FGGY: variants seen among roughly 807,000 people sequenced by gnomAD.
FGGY encodes the protein FGGY carbohydrate kinase domain-containing protein.
FGGY carries 72 observed loss-of-function variants against 71.3 expected under a neutral mutation model. That is an observed-to-expected ratio of 1.01 (90% CI 0.84 to 1.23). The LOEUF (loss-of-function observed/expected upper bound fraction) is 1.23, where lower values mean the gene tolerates loss of function less well. Ranked by LOEUF, FGGY falls within the 50% of genes most tolerant of loss-of-function variation. The pLI is 0.00. For missense variants in FGGY, 668 were observed against 682.3 expected (o/e 0.98, Z 0.23); for synonymous variants, 251 against 250.3 (o/e 1.00, Z -0.02).
intron 8 of FGGY, among the ~76,000 whole-genome samples, chr1:59,587,502 T>A (rs2096325451): frequency 6.6e-6 from 1 of 152,004 alleles, no homozygotes; most frequent in Non-Finnish European, 1.5e-5. Flanking sequence ...CTCAAGTGGG[T>A]CCCTGACCCC....
intron 4 of FGGY, among the ~76,000 whole-genome samples, chr1:59,353,457 A>G (rs759686326): frequency 6.6e-6 from 1 of 152,156 alleles, no homozygotes; most frequent in Non-Finnish European, 1.5e-5. Flanking sequence ...TCTAGAGACA[A>G]TCATAGAAAA....
intron 15 of FGGY, 38 bp downstream of exon 15, chr1:59,758,030 G>C: frequency 7.2e-7 from 1 of 1,394,970 alleles, no homozygotes; most frequent in Non-Finnish European, 1.0e-6. Context: ...TGCTAAGGAA[G>C]TGAGCACATA....
chr1:59,739,824 A>G (rs1450599336), intron 14 of FGGY, among the ~76,000 whole-genome samples: 1 of 152,206 alleles, frequency 6.6e-6, no homozygotes, highest in Non-Finnish European at 1.5e-5. Flanking sequence ...TCAAAGCCAT[A>G]CAACCATAAG....
At chr1:59,514,998 A>G (rs549856332) in intron 7 of FGGY, among the ~76,000 whole-genome samples, 1 of 152,300 alleles carries the variant, frequency 6.6e-6, no homozygotes, top group South Asian at 2.1e-4. Context: ...GAGGGAAGAG[A>G]CTTGCCTTGT....
intron 7 of FGGY, among the ~76,000 whole-genome samples, chr1:59,513,592 A>G (rs752396787): frequency 5.3e-5 from 8 of 152,196 alleles, no homozygotes; most frequent in Non-Finnish European, 1.0e-4. Flanking sequence ...ACACTATTTG[A>G]AGAAATGATC....
chr1:59,389,079 C>G (rs1172559402), intron 5 of FGGY, among the ~76,000 whole-genome samples: 1 of 152,104 alleles, frequency 6.6e-6, no homozygotes, highest in East Asian at 1.9e-4. Context: ...TACTGAGTAG[C>G]TGGGACTACA....
chr1:59,444,809 C>T (rs1260972744), intron 5 of FGGY, among the ~76,000 whole-genome samples: 1 of 152,174 alleles, frequency 6.6e-6, no homozygotes, highest in Non-Finnish European at 1.5e-5. Context: ...TCGCAACCCC[C>T]ACCCATGGAA....
At chr1:59,360,023 C>T (rs945962832) in intron 4 of FGGY, among the ~76,000 whole-genome samples, 1 of 152,018 alleles carries the variant, frequency 6.6e-6, no homozygotes, top group Non-Finnish European at 1.5e-5. Context: ...GATGCTTACC[C>T]AAGCAAAGCA....
intron 14 of FGGY, among the ~76,000 whole-genome samples, chr1:59,714,063 G>C (rs887686243): frequency 6.6e-6 from 1 of 152,130 alleles, no homozygotes; most frequent in Non-Finnish European, 1.5e-5. Context: ...GAAGTGGAAG[G>C]GTGATAATAT....
chr1:59,589,116 CA>C (rs1256573708), intron 8 of FGGY, among the ~76,000 whole-genome samples: 1 of 151,418 alleles, frequency 6.6e-6, no homozygotes, highest in Admixed American at 6.6e-5. Context: ...AAATGGAAAA[CA>C]AAAAAAGGCA....
intron 7 of FGGY, among the ~76,000 whole-genome samples, chr1:59,516,825 C>T (rs753047375): frequency 2.6e-5 from 4 of 152,132 alleles, no homozygotes; most frequent in Admixed American, 2.0e-4. Flanking sequence ...GCTTGAAACC[C>T]CACATTCTGA....
At chr1:59,559,375 C>G (rs149373552) in intron 8 of FGGY, among the ~76,000 whole-genome samples, 1 of 152,298 alleles carries the variant, frequency 6.6e-6, no homozygotes, top group Non-Finnish European at 1.5e-5. Context: ...GCAGCTCCAG[C>G]CAGTCCCACT....
At chr1:59,486,151 A>G (rs1237426936) in intron 6 of FGGY, among the ~76,000 whole-genome samples, 1 of 152,178 alleles carries the variant, frequency 6.6e-6, no homozygotes, top group Non-Finnish European at 1.5e-5. Flanking sequence ...ACTGTGCCAG[A>G]CACACAGATG....
intron 14 of FGGY, chr1:59,699,215 G>C: frequency 1.0e-6 from 1 of 985,164 alleles, no homozygotes; most frequent in African/African-American, 1.7e-5. Context: ...ACAGTTCTGA[G>C]ATTTTTTTTC....
intron 7 of FGGY, among the ~76,000 whole-genome samples, chr1:59,533,413 G>C (rs1047607114): frequency 2.0e-5 from 3 of 152,234 alleles, no homozygotes; most frequent in Admixed American, 2.0e-4. Flanking sequence ...AGGCTGCAGC[G>C]AGGCTGGGGG....
Position 59,695,509 on chromosome 1 carries a change from G to A in FGGY, c.1512+21376G>A, listed in dbSNP as rs545420088. On this transcript the variant is annotated intron_variant, in intron 14 of 15. Coordinates refer to ENST00000303721, the MANE Select transcript of FGGY (RefSeq NM_018291.5). ...GTAAAAGTTACTAAGTGGTCATTAC[G>A]ACCTAATGAGTTCCTACTCAATGAG... 7.9e-5 allele frequency among the ~76,000 whole-genome samples: 12 copies of A among 152,296 alleles called. No homozygotes were observed. The South Asian group carries it at 1.4e-3, about 18-fold the overall frequency.
chr1:59,613,274 G>A (rs1572100900), intron 9 of FGGY, among the ~76,000 whole-genome samples: 1 of 152,102 alleles, frequency 6.6e-6, no homozygotes, highest in East Asian at 1.9e-4. Flanking sequence ...CAAATGTAAA[G>A]GACAGAAATT....
At chr1:59,377,569 T>C (rs904811093) in intron 4 of FGGY, among the ~76,000 whole-genome samples, 3 of 152,174 alleles carry the variant, frequency 2.0e-5, no homozygotes, top group Admixed American at 2.0e-4. Context: ...TTATGGGAAC[T>C]ACGATTCAAG....
chr1:59,377,944 C>G (rs746549090), intron 4 of FGGY, among the ~76,000 whole-genome samples: 1 of 152,154 alleles, frequency 6.6e-6, no homozygotes, highest in African/African-American at 2.4e-5. Context: ...TTGACTTAGA[C>G]TGGAAGTTCT....
Sources: allele counts gnomAD v4.1 joint callset (sites outside exome capture counted in the v4.1 genomes callset), GRCh38; gene constraint gnomAD v4.1.1; transcripts MANE v1.5; gene names NCBI Gene and HGNC (gene_info 2026-07-23, HGNC 2026-07-21).